Variants in RPH3AL observed in about 807,000 individuals in gnomAD.
RPH3AL encodes rab effector Noc2.
RPH3AL carries 38 observed loss-of-function variants against 43.1 expected under a neutral mutation model. That is an observed-to-expected ratio of 0.88 (90% CI 0.68 to 1.15). The LOEUF (loss-of-function observed/expected upper bound fraction) is 1.15. Among genes scored for constraint, RPH3AL ranks in the 50% most tolerant of loss-of-function variants. The pLI is 0.00. For missense variants in RPH3AL, 462 were observed against 423.2 expected, an observed-to-expected ratio of 1.09 and a Z score of -0.81; for synonymous variants, 189 against 176.3, an observed-to-expected ratio of 1.07 and a Z score of -0.57.
At chr17:302,827 T>C (rs2151640196) in intron 5 of RPH3AL, among the ~76,000 whole-genome samples, 1 of 152,208 alleles carries the variant, frequency 6.6e-6, no homozygotes, top group South Asian at 2.1e-4. Flanking sequence ...AAAAAGAAGA[T>C]GAAAAAAGGA....
Position 333,270 on chromosome 17 carries a change from T to C in RPH3AL, c.-37+489A>G, listed in dbSNP as rs951307176. On this transcript the variant is annotated intron_variant, in intron 2 of 9. Coordinates refer to ENST00000331302, the MANE Select transcript of RPH3AL (RefSeq NM_006987.4). This position sits in a 1 kb window ranked among gnomAD's most constrained non-coding sequence, Gnocchi z 4.5. ...ACTGCAGACACAGAGACGGCCATTA[T>C]GCAGCCTCACGTGGTCACTCCTGGG... 6.2e-6 allele frequency: 8 copies of C among 1,286,682 alleles called. No individual in the cohort carries two copies. The South Asian group carries it at 7.4e-5, about 12-fold the overall frequency. 79.7% of individuals were successfully genotyped at this position (1,286,682 alleles called of 1,614,324 possible).
At position 272,929 on chromosome 17, in the gene RPH3AL, GACATCAGGGAGAGACCCCAGCAAGGGCT is replaced by G. The variant is rs1567604158; in HGVS notation, c.438+8811_438+8838del. Among the ~76,000 whole-genome samples, 103 of 148,560 alleles carry G rather than the reference GACATCAGGGAGAGACCCCAGCAAGGGCT, an allele frequency of 6.9e-4. 1 individual carries two copies. The Middle Eastern group carries it at 0.014, about 20-fold the overall frequency. On this transcript the variant is annotated intron_variant, in intron 6 of 9. Transcript: ENST00000331302. ...GGCGACGTGAGATCCCAGCAAGGGC[GACATCAGGGAGAGACCCCAGCAAGGGCT>G]ACGTCAGGGTGAGACCCCAGCAAGG...
In RPH3AL at chr17:289,016, C is replaced by A. The variant is rs1490137511; in HGVS notation, c.352-7162G>T. On this transcript the variant is annotated intron_variant, in intron 5 of 9. Transcript: ENST00000331302. The surrounding 1 kb of genome is among the most constrained non-coding windows in gnomAD (Gnocchi z 5.2). ...GCAAAGAAATGTATATTCTCTCTAC[C>A]CCCAAGAACACAGGGGAGGGGGTTC... Among the ~76,000 whole-genome samples, 1 of 152,174 alleles carries A rather than the reference C, an allele frequency of 6.6e-6. No individual in the cohort carries two copies. Among genetic ancestry groups the A allele is most frequent in the Non-Finnish European group, 1.5e-5 (1 of 68,026 alleles).
At chr17:312,263 T>C (rs11654816) in intron 5 of RPH3AL, among the ~76,000 whole-genome samples, 14,038 of 152,096 alleles carry the variant, frequency 0.092, 744 homozygotes, top group Middle Eastern at 0.16. Flanking sequence ...ATCATGCCAC[T>C]GCACTCCAGC....
chr17:293,079 C>T (rs935309690), intron 5 of RPH3AL, among the ~76,000 whole-genome samples: 3 of 152,196 alleles, frequency 2.0e-5, no homozygotes, highest in Non-Finnish European at 4.4e-5. Flanking sequence ...TTTACCAAGG[C>T]TTCCGGCAGG....
At chr17:351,348 T>A (rs775079769) in intron 1 of RPH3AL, among the ~76,000 whole-genome samples, 2 of 152,102 alleles carry the variant, frequency 1.3e-5, no homozygotes, top group Non-Finnish European at 2.9e-5. Flanking sequence ...GCACCCTCAA[T>A]AGCTCCCACT....
chr17:273,062 CGAGG>C (rs2042542346), intron 6 of RPH3AL, among the ~76,000 whole-genome samples: 1 of 145,682 alleles, frequency 6.9e-6, no homozygotes, highest in African/African-American at 2.5e-5. Flanking sequence ...GAGACCCCAG[CGAGG>C]GCGACGTCAG....
chr17:261,215 A>C (rs1489187648), intron 6 of RPH3AL, among the ~76,000 whole-genome samples: 1 of 152,196 alleles, frequency 6.6e-6, no homozygotes, highest in Non-Finnish European at 1.5e-5. Context: ...GTGTCCTCCA[A>C]ATCCACATGT....
intron 6 of RPH3AL, among the ~76,000 whole-genome samples, chr17:273,267 C>CGTCAGGGAGAGACCCCAGCAAGGGTGAT: frequency 1.1e-5 from 1 of 93,654 alleles, no homozygotes; most frequent in Admixed American, 1.1e-4. Context: ...GCGAGGGTGA[C>CGTCAGGGAGAGACCCCAGCAAGGGTGAT]GTCAGGGAGA....
intron 6 of RPH3AL, among the ~76,000 whole-genome samples, chr17:262,613 C>T (rs1555546688): frequency 6.6e-6 from 1 of 152,126 alleles, no homozygotes; most frequent in African/African-American, 2.4e-5. Flanking sequence ...TCGCTTGAGG[C>T]CAGGAATTCA....
chr17:219,615 C>T lies in RPH3AL; in HGVS notation c.727+8G>A, dbSNP rs777719271. Reference sequence around the variant, plus strand: ...GGCCAATAAGCAGCATTTCACTCCCCACCTTACCTGACTCCTTCCAGGGTT... The same window carrying T: ...GGCCAATAAGCAGCATTTCACTCCCTACCTTACCTGACTCCTTCCAGGGTT... On this transcript the variant is annotated splice_region_variant and intron_variant, in intron 8 of 9. Transcript: ENST00000331302. The T allele has an allele frequency of 7.8e-6, 12 of 1,547,724 alleles. No individual in the cohort carries two copies. Among genetic ancestry groups the T allele is most frequent in the Non-Finnish European group, 1.1e-5 (12 of 1,136,554 alleles).
intron 6 of RPH3AL, among the ~76,000 whole-genome samples, chr17:252,386 G>T (rs2041926599): frequency 6.6e-6 from 1 of 152,130 alleles, no homozygotes; most frequent in African/African-American, 2.4e-5. Flanking sequence ...GAGACGCCCT[G>T]CTGACCATGG....
intron 1 of RPH3AL, among the ~76,000 whole-genome samples, chr17:340,376 T>C (rs372521870): frequency 1.2e-3 from 76 of 65,918 alleles, no homozygotes; most frequent in South Asian, 2.2e-3. Context: ...TGCCCTGGGC[T>C]CAGGCCTCCC....
chr17:286,778 G>C (rs140308340), intron 5 of RPH3AL, among the ~76,000 whole-genome samples: 1 of 152,174 alleles, frequency 6.6e-6, no homozygotes, highest in East Asian at 1.9e-4. Flanking sequence ...CAGGGCAAGC[G>C]AGTCCTGGCT....
At chr17:327,667 C>A in intron 2 of RPH3AL, 88 bp from the exon 3 acceptor site, 1 of 750,350 alleles carries the variant, frequency 1.3e-6, no homozygotes, top group South Asian at 1.6e-5. Flanking sequence ...CAGGCCCCTC[C>A]ACACCATCTC....
chr17:305,622 A>G (rs964194426), intron 5 of RPH3AL, among the ~76,000 whole-genome samples: 1 of 152,144 alleles, frequency 6.6e-6, no homozygotes, highest in Non-Finnish European at 1.5e-5. Context: ...ACTAGGTCAC[A>G]GGAATGTCTC....
intron 6 of RPH3AL, among the ~76,000 whole-genome samples, chr17:262,877 G>A (rs547373583): frequency 4.6e-5 from 7 of 152,220 alleles, no homozygotes; most frequent in Middle Eastern, 3.4e-3. Flanking sequence ...TGCTTTCCCC[G>A]CAGAAGCCCC....
At chr17:267,461 G>C (rs1262994556) in intron 6 of RPH3AL, among the ~76,000 whole-genome samples, 1 of 152,206 alleles carries the variant, frequency 6.6e-6, no homozygotes, top group Non-Finnish European at 1.5e-5. Context: ...TTTCAGACGA[G>C]CGTCATGATT....
chr17:323,054 C>T lies in RPH3AL; in HGVS notation c.78-1639G>A, dbSNP rs1417832062. ...AAATTCCCAATTGCCTGCAAATGGT[C>T]GTTAATAGTGATAACTGTAATTATC... On this transcript the variant is annotated intron_variant, in intron 3 of 9. Transcript: ENST00000331302. This position sits in a 1 kb window ranked among gnomAD's most constrained non-coding sequence, Gnocchi z 4.4. 2.6e-5 allele frequency among the ~76,000 whole-genome samples: 4 copies of T among 151,990 alleles called. No individual in the cohort carries two copies. Among genetic ancestry groups the T allele is most frequent in the Admixed American group, 6.6e-5 (1 of 15,264 alleles).
Sources: gnomAD v4.1 joint callset for allele counts (sites outside exome capture counted in the v4.1 genomes callset) on GRCh38, gnomAD v4.1.1 for gene constraint, Gnocchi (gnomAD v3.1) non-coding constraint, MANE v1.5 for transcripts, NCBI Gene and HGNC (gene_info 2026-07-23, HGNC 2026-07-21) for gene names.